WASL: variants seen among roughly 807,000 people sequenced by gnomAD.
WASL encodes the protein WASP like actin nucleation promoting factor.
In WASL, 20 loss-of-function variants were observed where a neutral mutation model predicts 55.5. The observed-to-expected ratio is 0.36, with a 90% CI of 0.25 to 0.52. The LOEUF is 0.52. WASL is among the 20% of genes least tolerant of loss of function. The pLI is 0.92. For missense variants in WASL, 504 were observed against 622.5 expected, an observed-to-expected ratio of 0.81 and a Z score of 2.03; for synonymous variants, 249 against 217.6, an observed-to-expected ratio of 1.14 and a Z score of -1.27.
intron 1 of WASL, among the ~76,000 whole-genome samples, chr7:123,727,334 A>G (rs1044396065): frequency 7.1e-6 from 1 of 140,440 alleles, no homozygotes; most frequent in Non-Finnish European, 1.5e-5. Flanking sequence ...TATTTGCCCA[A>G]AAGAAATAAA....
chr7:123,704,059 GT>G (rs1803630930), intron 5 of WASL, among the ~76,000 whole-genome samples: 1 of 151,972 alleles, frequency 6.6e-6, no homozygotes, highest in Non-Finnish European at 1.5e-5. Context: ...GGTATTCAAT[GT>G]TTTTTAAAAA....
intron 1 of WASL, among the ~76,000 whole-genome samples, chr7:123,716,560 T>C (rs557136397): frequency 5.3e-5 from 8 of 150,842 alleles, no homozygotes; most frequent in African/African-American, 1.7e-4. Flanking sequence ...AAGTTTAACA[T>C]TACTAGTGGA....
intron 1 of WASL, among the ~76,000 whole-genome samples, chr7:123,730,348 ACAG>A (rs1405694919): frequency 1.3e-4 from 20 of 152,204 alleles, no homozygotes; most frequent in East Asian, 1.9e-4. Context: ...GATTAAAATA[ACAG>A]TAGACACAAT....
At chr7:123,723,604 A>G (rs1911145) in intron 1 of WASL, among the ~76,000 whole-genome samples, 113,860 of 152,142 alleles carry the variant, frequency 0.75, 42,929 homozygotes, top group South Asian at 0.83. Flanking sequence ...TCTCTCCAGG[A>G]ACAAGCACTT....
chr7:123,715,177 T>C (rs555735695), intron 1 of WASL, among the ~76,000 whole-genome samples: 1 of 152,292 alleles, frequency 6.6e-6, no homozygotes, highest in South Asian at 2.1e-4. Context: ...TATATTATCT[T>C]CCTCCACTTA....
chr7:123,734,581 A>G (rs1452480919), intron 1 of WASL, among the ~76,000 whole-genome samples: 2 of 143,772 alleles, frequency 1.4e-5, no homozygotes, highest in Admixed American at 7.1e-5. Flanking sequence ...AGGCAACACT[A>G]TAGAAAATGT....
chr7:123,694,483 G>A (rs1349579744), intron 8 of WASL, among the ~76,000 whole-genome samples: 1 of 152,030 alleles, frequency 6.6e-6, no homozygotes, highest in Admixed American at 6.5e-5. Flanking sequence ...TAGAATAGCT[G>A]GGAAGATTTT....
chr7:123,710,457 T>C (rs1388080530), intron 1 of WASL, among the ~76,000 whole-genome samples: 1 of 152,102 alleles, frequency 6.6e-6, no homozygotes, highest in South Asian at 2.1e-4. Context: ...TTAGGTTTAC[T>C]GAACTATGCC....
intron 1 of WASL, among the ~76,000 whole-genome samples, chr7:123,727,648 G>A (rs1771214834): frequency 6.6e-6 from 1 of 152,116 alleles, no homozygotes; most frequent in Non-Finnish European, 1.5e-5. Flanking sequence ...ACGAAGATAG[G>A]AGAGAGGCAG....
intron 10 of WASL, among the ~76,000 whole-genome samples, chr7:123,687,422 C>T (rs1016635967): frequency 1.3e-5 from 2 of 152,112 alleles, no homozygotes; most frequent in Admixed American, 6.6e-5. Context: ...TTGCAAGCTC[C>T]GTGATCTCCT....
chr7:123,690,450 G>T (rs1803389864), intron 9 of WASL, among the ~76,000 whole-genome samples: 2 of 151,954 alleles, frequency 1.3e-5, no homozygotes, highest in Admixed American at 6.6e-5. Flanking sequence ...ACCACAAAAT[G>T]GTCTTTTTCA....
intron 1 of WASL, among the ~76,000 whole-genome samples, chr7:123,721,994 G>A (rs1213658080): frequency 6.6e-6 from 1 of 152,068 alleles, no homozygotes. Context: ...TCCAAAGCTG[G>A]GTGGCTTTGG....
At position 123,683,539 on chromosome 7, in the gene WASL, C is replaced by A. The variant is rs557046124; in HGVS notation, c.*980G>T. Reference sequence around the variant, plus strand: ...TTCCGTGTTTTAGCGCACACCTTTGCCAACTAGATTACATTTTTATGGTTG... The same window carrying A: ...TTCCGTGTTTTAGCGCACACCTTTGACAACTAGATTACATTTTTATGGTTG... On this transcript the variant is annotated 3_prime_UTR_variant, in exon 11 of 11. Coordinates refer to ENST00000223023, the MANE Select transcript of WASL (RefSeq NM_003941.4). 1.3e-4 allele frequency: 19 copies of A among 151,824 alleles called. No homozygotes were observed. Among genetic ancestry groups the A allele is most frequent in the Non-Finnish European group, 2.8e-4 (19 of 67,898 alleles). 9.4% of individuals were successfully genotyped at this position (151,824 alleles called of 1,614,324 possible).
At chr7:123,691,876 T>A (rs1399675021) in intron 9 of WASL, among the ~76,000 whole-genome samples, 1 of 152,234 alleles carries the variant, frequency 6.6e-6, no homozygotes, top group East Asian at 1.9e-4. Context: ...CCTAAGGTGA[T>A]CACAATTGGT....
chr7:123,710,507 C>A (rs1425322121), intron 1 of WASL, among the ~76,000 whole-genome samples: 3 of 151,976 alleles, frequency 2.0e-5, no homozygotes, highest in African/African-American at 7.2e-5. Context: ...TTTCAAAGAA[C>A]AATTATATGC....
intron 8 of WASL, among the ~76,000 whole-genome samples, chr7:123,694,076 T>C (rs555582893): frequency 6.6e-6 from 1 of 152,274 alleles, no homozygotes; most frequent in Admixed American, 6.5e-5. Flanking sequence ...TACACTATTA[T>C]GAGTATGCAA....
At chr7:123,746,485 A>G (rs998788684) in intron 1 of WASL, among the ~76,000 whole-genome samples, 1 of 152,240 alleles carries the variant, frequency 6.6e-6, no homozygotes, top group Non-Finnish European at 1.5e-5. Flanking sequence ...AACCTGAATA[A>G]TCAGCCAAGG....
chr7:123,748,700 C>CGCG lies in WASL; in HGVS notation c.32_34dup (p.Pro11dup), dbSNP rs752508448. 1.4e-5 allele frequency: 22 copies of CGCG among 1,599,946 alleles called. No individual in the cohort carries two copies. Among genetic ancestry groups the CGCG allele is most frequent in the East Asian group, 9.0e-5 (4 of 44,224 alleles). Reference sequence around the variant, plus strand: ...CAGGGACCCCACGTTGGTGACCCTCCGCGGCGGCGGCGGCTGCTGCTGGAC... The same window carrying CGCG: ...CAGGGACCCCACGTTGGTGACCCTCCGCGGCGGCGGCGGCGGCTGCTGCTGGAC... On this transcript the variant is annotated inframe_insertion, in exon 1 of 11. Coordinates refer to ENST00000223023, the MANE Select transcript of WASL (RefSeq NM_003941.4).
chr7:123,736,082 T>C (rs1443261117), intron 1 of WASL, among the ~76,000 whole-genome samples: 1 of 152,058 alleles, frequency 6.6e-6, no homozygotes, highest in African/African-American at 2.4e-5. Flanking sequence ...ACAGCAGATT[T>C]CCTGTCAGAA....
Sources: allele counts gnomAD v4.1 joint callset (sites outside exome capture counted in the v4.1 genomes callset), GRCh38; gene constraint gnomAD v4.1.1; transcripts MANE v1.5; gene names NCBI Gene and HGNC (gene_info 2026-07-23, HGNC 2026-07-21).